TYW1B: variants seen among roughly 807,000 people sequenced by gnomAD.
TYW1B encodes tRNA-yW synthesizing protein 1 homolog B, also known as S-adenosyl-L-methionine-dependent tRNA 4-demethylwyosine synthase TYW1B.
TYW1B carries 73 observed loss-of-function variants against 86.9 expected under a neutral mutation model. That is an observed-to-expected ratio of 0.84 (90% confidence interval 0.70 to 1.02). The LOEUF (loss-of-function observed/expected upper bound fraction) is 1.02, where lower values mean the gene tolerates loss of function less well. Among genes scored for constraint, TYW1B ranks in the 50% least tolerant of loss-of-function variants. The pLI is 0.00. For synonymous variants in TYW1B, 248 were observed against 292.8 expected (o/e 0.85, Z 1.56); for missense variants, 637 against 827.4 (o/e 0.77, Z 2.82).
chr7:72,702,243 A>G (rs1373500505), intron 10 of TYW1B, among the ~76,000 whole-genome samples: 3 of 152,258 alleles, frequency 2.0e-5, no homozygotes, highest in African/African-American at 7.2e-5. Context: ...AACCCCTGTG[A>G]GAGAAAGTTT....
At chr7:72,624,395 C>T (rs1322757088) in intron 12 of TYW1B, among the ~76,000 whole-genome samples, 2 of 152,174 alleles carry the variant, frequency 1.3e-5, no homozygotes, top group Non-Finnish European at 2.9e-5. Flanking sequence ...ACTTTTCTTA[C>T]ATAAATACAT....
chr7:72,722,858 G>C, intron 9 of TYW1B: 1 of 603,274 alleles, frequency 1.7e-6, no homozygotes, highest in East Asian at 3.2e-5. Flanking sequence ...CTCCAAGCCA[G>C]AGTGAGGTAA....
chr7:72,753,731 A>G (rs1787540423), intron 7 of TYW1B, among the ~76,000 whole-genome samples: 1 of 152,056 alleles, frequency 6.6e-6, no homozygotes, highest in South Asian at 2.1e-4. Context: ...CACCCATCTC[A>G]GCCTCCCAAA....
intron 11 of TYW1B, among the ~76,000 whole-genome samples, chr7:72,686,560 G>T (rs2129570084): frequency 6.6e-6 from 1 of 152,224 alleles, no homozygotes; most frequent in East Asian, 1.9e-4. Flanking sequence ...GGGAGGGAGA[G>T]ATAAACAGGC....
At chr7:72,815,118 AACC>A (rs1213869719) in intron 3 of TYW1B, among the ~76,000 whole-genome samples, 1 of 151,122 alleles carries the variant, frequency 6.6e-6, no homozygotes. Flanking sequence ...GTGAACTTCC[AACC>A]ACCCAAGCTT....
intron 12 of TYW1B, among the ~76,000 whole-genome samples, chr7:72,627,814 G>A (rs1273876533): frequency 6.6e-6 from 1 of 152,032 alleles, no homozygotes; most frequent in African/African-American, 2.4e-5. Flanking sequence ...TCCACAGGAC[G>A]CACAGAAACA....
intron 2 of TYW1B, among the ~76,000 whole-genome samples, chr7:72,818,344 G>A (rs1788763261): frequency 6.6e-6 from 1 of 151,934 alleles, no homozygotes; most frequent in Admixed American, 6.6e-5. Flanking sequence ...CACTTTGGGA[G>A]GCTGAGGCGG....
intron 9 of TYW1B, among the ~76,000 whole-genome samples, chr7:72,717,644 G>GACACACAC (rs71071905): frequency 2.6e-4 from 38 of 146,206 alleles, no homozygotes; most frequent in African/African-American, 8.6e-4. Context: ...AGCTGTGCTT[G>GACACACAC]ACACACACAC....
intron 3 of TYW1B, among the ~76,000 whole-genome samples, chr7:72,811,489 T>C (rs1181366983): frequency 1.3e-5 from 2 of 151,836 alleles, no homozygotes; most frequent in African/African-American, 4.8e-5. Context: ...TGACCTTGCT[T>C]ATCCAATAAG....
intron 13 of TYW1B, among the ~76,000 whole-genome samples, chr7:72,598,907 A>G (rs1382000964): frequency 6.6e-6 from 1 of 152,162 alleles, no homozygotes; most frequent in Non-Finnish European, 1.5e-5. Flanking sequence ...GTGGCCTGAT[A>G]GTTTCCTAGT....
chr7:72,653,135 A>G (rs1448265633), intron 11 of TYW1B, among the ~76,000 whole-genome samples: 1 of 152,204 alleles, frequency 6.6e-6, no homozygotes, highest in Non-Finnish European at 1.5e-5. Flanking sequence ...AGCTAAAGCG[A>G]GCAGAGGAAA....
chr7:72,758,549 T>A (rs1030913437), intron 7 of TYW1B, among the ~76,000 whole-genome samples: 2 of 152,120 alleles, frequency 1.3e-5, no homozygotes, highest in Non-Finnish European at 2.9e-5. Context: ...CACTAAGAAT[T>A]GCTGATTCTT....
At chr7:72,746,000 A>G (rs1306365718) in intron 7 of TYW1B, among the ~76,000 whole-genome samples, 1 of 151,710 alleles carries the variant, frequency 6.6e-6, no homozygotes, top group Admixed American at 6.6e-5. Flanking sequence ...AGTAGCTGGG[A>G]TTATAGGCAT....
intron 2 of TYW1B, among the ~76,000 whole-genome samples, chr7:72,816,594 A>G (rs1251266258): frequency 6.6e-6 from 1 of 152,176 alleles, no homozygotes; most frequent in Non-Finnish European, 1.5e-5. Context: ...GGCCTCAGGT[A>G]GCTTCAGGAC....
At chr7:72,709,973 G>A (rs34351856) in intron 10 of TYW1B, among the ~76,000 whole-genome samples, 30 of 152,132 alleles carry the variant, frequency 2.0e-4, no homozygotes, top group Admixed American at 2.6e-4. Flanking sequence ...CGTATTCCAC[G>A]ATCCCTCTGC....
intron 7 of TYW1B, among the ~76,000 whole-genome samples, chr7:72,764,533 G>C (rs1318963203): frequency 6.6e-6 from 1 of 152,056 alleles, no homozygotes; most frequent in Admixed American, 6.6e-5. Context: ...CGCCCACCTC[G>C]GCCTCCCGAA....
At chr7:72,773,690 G>C (rs1451357906) in intron 7 of TYW1B, among the ~76,000 whole-genome samples, 1 of 152,148 alleles carries the variant, frequency 6.6e-6, no homozygotes, top group African/African-American at 2.4e-5. Context: ...CACTACCCAA[G>C]GATGGGAAAG....
chr7:72,705,654 T>TA (rs1415866963), intron 10 of TYW1B, among the ~76,000 whole-genome samples: 1 of 152,174 alleles, frequency 6.6e-6, no homozygotes, highest in Admixed American at 6.6e-5. Context: ...AATATGAAGA[T>TA]AAGAGTTTGT....
rs73372806 is a variant in TYW1B, at chr7:72,588,304, T to A, written c.1786-12585A>T. 7.0e-3 allele frequency among the ~76,000 whole-genome samples: 1,070 copies of A among 152,346 alleles called. 6 individuals are homozygous for A. The highest frequency in any genetic ancestry group is 0.024 in the African/African-American group (992 of 41,580). On this transcript the variant is annotated intron_variant, in intron 13 of 13. Transcript: ENST00000620995. ...CCAATTTTGTTGGAGTGGAGCTAAA[T>A]CCTCTGATCAGCGTTACCAAAATGC...
Sources: allele counts gnomAD v4.1 joint callset (sites outside exome capture counted in the v4.1 genomes callset), GRCh38; gene constraint gnomAD v4.1.1; transcripts MANE v1.5; gene names NCBI Gene and HGNC (gene_info 2026-07-23, HGNC 2026-07-21).